The following GRM8 variants were observed in gnomAD, a reference collection of about 807,000 sequenced individuals.
The protein encoded by GRM8 is glutamate metabotropic receptor 8, also known as metabotropic glutamate receptor 8.
GRM8 carries 47 observed loss-of-function variants against 87.2 expected under a neutral mutation model. The observed-to-expected ratio is 0.54, with a 90% confidence interval of 0.43 to 0.69. The LOEUF is 0.69. Among genes scored for constraint, GRM8 ranks in the 30% least tolerant of loss-of-function variants. GRM8 has a pLI of 0.00. For synonymous variants in GRM8, 396 were observed against 404.5 expected (o/e 0.98, Z 0.25); for missense variants, 1,019 against 1,139.2 (o/e 0.89, Z 1.52).
intron 6 of GRM8, among the ~76,000 whole-genome samples, chr7:126,805,337 T>C (rs1438069869): frequency 6.6e-6 from 1 of 152,206 alleles, no homozygotes; most frequent in South Asian, 2.1e-4. Context: ...AGAGCACAAC[T>C]GGAACTATTT....
intron 8 of GRM8, among the ~76,000 whole-genome samples, chr7:126,575,074 G>C (rs1281068637): frequency 6.6e-6 from 1 of 152,094 alleles, no homozygotes; most frequent in Non-Finnish European, 1.5e-5. Flanking sequence ...TCTAGGGCAG[G>C]GGTTCCCAGC....
chr7:126,667,899 C>T (rs996710363), intron 7 of GRM8, among the ~76,000 whole-genome samples: 3 of 152,190 alleles, frequency 2.0e-5, no homozygotes, highest in African/African-American at 7.2e-5. Context: ...CATGTGGCCA[C>T]GGGAAGCAGC....
intron 7 of GRM8, among the ~76,000 whole-genome samples, chr7:126,738,788 A>T (rs727903): frequency 0.41 from 60,783 of 149,236 alleles, 13,310 homozygotes; most frequent in Non-Finnish European, 0.48. Flanking sequence ...CATGAGTGGT[A>T]GATAGACTAC....
intron 2 of GRM8, among the ~76,000 whole-genome samples, chr7:127,148,426 A>T (rs17866296): frequency 0.014 from 2,121 of 152,094 alleles, 36 homozygotes; most frequent in African/African-American, 0.046. Flanking sequence ...CAAAAAAAAA[A>T]AATAATAAGG....
At chr7:127,251,308 C>T (rs1798852519) in intron 1 of GRM8, 1 of 152,168 alleles carries the variant, frequency 6.6e-6, no homozygotes, top group Non-Finnish European at 1.5e-5. Context: ...TCATTTGCAC[C>T]AAGGGAGCGC....
At chr7:126,444,452 T>C (rs1173180158) in intron 10 of GRM8, among the ~76,000 whole-genome samples, 3 of 152,100 alleles carry the variant, frequency 2.0e-5, no homozygotes, top group Non-Finnish European at 4.4e-5. Flanking sequence ...AAGGTGAATA[T>C]GTGGAGGGTG....
chr7:126,825,888 A>T (rs991605897), intron 6 of GRM8, among the ~76,000 whole-genome samples: 1 of 141,054 alleles, frequency 7.1e-6, no homozygotes, highest in Non-Finnish European at 1.5e-5. Context: ...ACCCCACAAC[A>T]GTCCCCAGAG....
chr7:126,792,431 C>A (rs1044870269), intron 6 of GRM8, among the ~76,000 whole-genome samples: 1 of 152,194 alleles, frequency 6.6e-6, no homozygotes, highest in African/African-American at 2.4e-5. Context: ...TAAGTAGAAC[C>A]TCTTGGCTAG....
chr7:126,796,200 T>G (rs1046369805), intron 6 of GRM8, among the ~76,000 whole-genome samples: 2 of 152,048 alleles, frequency 1.3e-5, no homozygotes, highest in Admixed American at 1.3e-4. Flanking sequence ...ACACGCCCAT[T>G]TAAGCCTTTT....
intron 9 of GRM8, among the ~76,000 whole-genome samples, chr7:126,452,055 C>G (rs1012831036): frequency 6.6e-6 from 1 of 151,568 alleles, no homozygotes; most frequent in African/African-American, 2.4e-5. Context: ...AGAAAACTGT[C>G]TGGATTAAGA....
chr7:126,924,976 G>GAC (rs1804941628), intron 3 of GRM8, among the ~76,000 whole-genome samples: 1 of 152,096 alleles, frequency 6.6e-6, no homozygotes, highest in Non-Finnish European at 1.5e-5. Flanking sequence ...GCAAAGAAGA[G>GAC]ACACACACAC....
chr7:126,588,432 C>T (rs965914346), intron 8 of GRM8, among the ~76,000 whole-genome samples: 1 of 152,180 alleles, frequency 6.6e-6, no homozygotes, highest in African/African-American at 2.4e-5. Context: ...TACCATTCGA[C>T]CCAGCAATCT....
intron 2 of GRM8, among the ~76,000 whole-genome samples, chr7:127,241,156 CTCA>C (rs1438220272): frequency 1.3e-5 from 2 of 152,172 alleles, no homozygotes; most frequent in African/African-American, 2.4e-5. Context: ...ATTAAGTTGC[CTCA>C]TACCATTTTC....
chr7:126,748,919 A>G (rs973352564), intron 7 of GRM8, among the ~76,000 whole-genome samples: 1 of 152,098 alleles, frequency 6.6e-6, no homozygotes, highest in East Asian at 1.9e-4. Flanking sequence ...TAGTAGAACA[A>G]TTAATATTGA....
chr7:127,185,260 T>C (rs757917589), intron 2 of GRM8, among the ~76,000 whole-genome samples: 4 of 152,040 alleles, frequency 2.6e-5, no homozygotes, highest in African/African-American at 4.8e-5. Flanking sequence ...AGAATAGACA[T>C]ATATTACTAG....
In GRM8 at chr7:127,083,704, T is replaced by C. The variant is rs185205043; in HGVS notation, c.727+22792A>G. ...AATTGCCATTACCCTTCCTTGGTTC[T>C]AAACTTTTGCAAATGCTGCCCCCCT... On this transcript the variant is annotated intron_variant, in intron 3 of 10. Coordinates refer to ENST00000339582, the MANE Select transcript of GRM8 (RefSeq NM_000845.3). Among the ~76,000 whole-genome samples, 881 of 152,166 alleles carry C rather than the reference T, an allele frequency of 5.8e-3. 13 individuals carry two copies. Among genetic ancestry groups the C allele is most frequent in the South Asian group, 0.032 (156 of 4,816 alleles).
intron 2 of GRM8, among the ~76,000 whole-genome samples, chr7:127,162,623 T>C (rs1793187072): frequency 6.6e-6 from 1 of 152,188 alleles, no homozygotes; most frequent in South Asian, 2.1e-4. Flanking sequence ...AAGGATTTAT[T>C]TAACTAGGCT....
intron 8 of GRM8, among the ~76,000 whole-genome samples, chr7:126,589,448 T>C (rs535217907): frequency 6.6e-6 from 1 of 151,912 alleles, no homozygotes; most frequent in East Asian, 1.9e-4. Flanking sequence ...CACAAACCCA[T>C]CCCCCACAGC....
At chr7:126,860,539 C>G (rs1241833001) in intron 6 of GRM8, among the ~76,000 whole-genome samples, 1 of 152,046 alleles carries the variant, frequency 6.6e-6, no homozygotes, top group Admixed American at 6.5e-5. Flanking sequence ...AACATATTAT[C>G]CATTCTAAAG....
Sources: allele counts gnomAD v4.1 joint callset (sites outside exome capture counted in the v4.1 genomes callset), GRCh38; gene constraint gnomAD v4.1.1; transcripts MANE v1.5; gene names NCBI Gene and HGNC (gene_info 2026-07-23, HGNC 2026-07-21).